TCF4: variants seen among roughly 807,000 people sequenced by gnomAD.
TCF4 encodes transcription factor 4.
A neutral mutation model predicts 82.1 loss-of-function variants in TCF4; 3 were observed. That is an observed-to-expected ratio of 0.04 (90% CI 0.02 to 0.09). TCF4 has a LOEUF of 0.09. Among genes scored for constraint, TCF4 ranks in the 10% least tolerant of loss-of-function variants. The pLI, the probability that TCF4 is intolerant of heterozygous loss-of-function variation, is 1.00. For synonymous variants in TCF4, 276 were observed against 309.6 expected, an observed-to-expected ratio of 0.89 and a Z score of 1.14; for missense variants, 518 against 852.7, an observed-to-expected ratio of 0.61 and a Z score of 4.89.
intron 5 of TCF4, among the ~76,000 whole-genome samples, chr18:55,405,103 C>T (rs1025284023): frequency 1.3e-5 from 2 of 152,212 alleles, no homozygotes; most frequent in Non-Finnish European, 2.9e-5. Context: ...ATACTTGTAT[C>T]AGCAGTGTGA....
intron 3 of TCF4, among the ~76,000 whole-genome samples, chr18:55,541,476 A>C (rs1328824777): frequency 6.6e-6 from 1 of 152,012 alleles, no homozygotes; most frequent in Non-Finnish European, 1.5e-5. Context: ...TTCTTAATAA[A>C]AATCATGTTG....
chr18:55,431,342 C>A (rs538638156), intron 5 of TCF4, among the ~76,000 whole-genome samples: 1 of 152,084 alleles, frequency 6.6e-6, no homozygotes, highest in Non-Finnish European at 1.5e-5. Flanking sequence ...TGCAATGGGG[C>A]GATCTCGGCT....
intron 3 of TCF4, among the ~76,000 whole-genome samples, chr18:55,549,260 C>T (rs1303595318): frequency 6.6e-6 from 1 of 152,028 alleles, no homozygotes; most frequent in Non-Finnish European, 1.5e-5. Flanking sequence ...AAGATCGCAC[C>T]ACTGCACTCC....
At chr18:55,606,289 C>T (rs2097702167) in intron 2 of TCF4, among the ~76,000 whole-genome samples, 1 of 152,164 alleles carries the variant, frequency 6.6e-6, no homozygotes, top group Admixed American at 6.6e-5. Context: ...TCTAAAGTTA[C>T]GGGGAACATC....
intron 3 of TCF4, among the ~76,000 whole-genome samples, chr18:55,470,229 A>T (rs947766273): frequency 1.3e-5 from 2 of 152,246 alleles, no homozygotes; most frequent in African/African-American, 4.8e-5. Flanking sequence ...TACCATAGTC[A>T]CCAGTATTTA....
chr18:55,321,474 G>A (rs1228475628), intron 8 of TCF4: 4 of 789,840 alleles, frequency 5.1e-6, no homozygotes, highest in Admixed American at 2.2e-5. Flanking sequence ...GGGGAGGAGT[G>A]GGGGGAAAAA....
intron 15 of TCF4, among the ~76,000 whole-genome samples, chr18:55,240,730 CAAACAT>C (rs1428688605): frequency 1.3e-5 from 2 of 152,220 alleles, no homozygotes; most frequent in Non-Finnish European, 1.5e-5. Context: ...ACTCCAACCA[CAAACAT>C]AATTTCCATA....
chr18:55,512,956 A>G (rs2096843393), intron 3 of TCF4, among the ~76,000 whole-genome samples: 1 of 152,170 alleles, frequency 6.6e-6, no homozygotes, highest in African/African-American at 2.4e-5. Context: ...ACACTGAAGA[A>G]AGGCAATGAC....
intron 15 of TCF4, among the ~76,000 whole-genome samples, chr18:55,252,018 T>G (rs989991342): frequency 6.6e-6 from 1 of 151,298 alleles, no homozygotes; most frequent in African/African-American, 2.4e-5. Context: ...TCAGACTGAT[T>G]AAATTCAAAA....
At chr18:55,407,395 T>A (rs981467353) in intron 5 of TCF4, among the ~76,000 whole-genome samples, 1 of 152,164 alleles carries the variant, frequency 6.6e-6, no homozygotes, top group Admixed American at 6.6e-5. Context: ...AGACACAACA[T>A]CCGTCAATCA....
chr18:55,508,634 G>A (rs973009304), intron 3 of TCF4, among the ~76,000 whole-genome samples: 1 of 152,188 alleles, frequency 6.6e-6, no homozygotes, highest in Admixed American at 6.5e-5. Context: ...CCAGGTTACA[G>A]GTAGTAAGTG....
chr18:55,271,143 G>T (rs2060273694), intron 10 of TCF4, among the ~76,000 whole-genome samples: 1 of 152,034 alleles, frequency 6.6e-6, no homozygotes, highest in African/African-American at 2.4e-5. Context: ...GATCCGTCTT[G>T]AATTCTACCT....
At chr18:55,526,920 C>A (rs1224972105) in intron 3 of TCF4, among the ~76,000 whole-genome samples, 1 of 152,100 alleles carries the variant, frequency 6.6e-6, no homozygotes, top group Admixed American at 6.6e-5. Flanking sequence ...TTTACAGACA[C>A]CTCTCTCCAT....
chr18:55,320,731 T>C (rs1474205163), intron 8 of TCF4: 1 of 152,252 alleles, frequency 6.6e-6, no homozygotes, highest in African/African-American at 2.4e-5. Flanking sequence ...AGTTTATAAA[T>C]GGCTGCTTTT....
At chr18:55,493,598 T>A (rs889413514) in intron 3 of TCF4, among the ~76,000 whole-genome samples, 1 of 152,166 alleles carries the variant, frequency 6.6e-6, no homozygotes, top group African/African-American at 2.4e-5. Flanking sequence ...TATTTACACA[T>A]CTCCTTGATA....
chr18:55,315,927 A>G (rs980939415), intron 8 of TCF4, among the ~76,000 whole-genome samples: 2 of 152,192 alleles, frequency 1.3e-5, no homozygotes, highest in Non-Finnish European at 2.9e-5. Flanking sequence ...TTATGAATAT[A>G]CAGATATCCC....
chr18:55,371,312 T>C (rs1603401182), intron 6 of TCF4, among the ~76,000 whole-genome samples: 1 of 152,276 alleles, frequency 6.6e-6, no homozygotes, highest in African/African-American at 2.4e-5. Flanking sequence ...GAGGGGGCCA[T>C]AGGGCCAGTA....
intron 3 of TCF4, among the ~76,000 whole-genome samples, chr18:55,524,079 C>G (rs947440541): frequency 1.5e-4 from 23 of 152,166 alleles, no homozygotes; most frequent in Non-Finnish European, 2.4e-4. Context: ...AAAGGTCAGG[C>G]ATGTTATTTT....
At chr18:55,506,960 T>G (rs2096768253) in intron 3 of TCF4, among the ~76,000 whole-genome samples, 1 of 151,576 alleles carries the variant, frequency 6.6e-6, no homozygotes, top group African/African-American at 2.4e-5. Context: ...CCTCTCAGAC[T>G]CAAGCAATTC....
Sources: allele counts gnomAD v4.1 joint callset (sites outside exome capture counted in the v4.1 genomes callset), GRCh38; gene constraint gnomAD v4.1.1; transcripts MANE v1.5; gene names NCBI Gene and HGNC (gene_info 2026-07-23, HGNC 2026-07-21).